UCK1: variants seen among roughly 807,000 people sequenced by gnomAD.
UCK1 encodes the protein uridine-cytidine kinase 1.
A neutral mutation model predicts 34.0 loss-of-function variants in UCK1; 20 were observed. The observed-to-expected ratio is 0.59, with a 90% CI of 0.41 to 0.86. The LOEUF is 0.86. UCK1 is among the 40% of genes least tolerant of loss of function. The probability of loss-of-function intolerance (pLI) is 0.00; values close to 1 mark genes in which losing one functional copy is unlikely to be tolerated. For synonymous variants in UCK1, 168 were observed against 155.9 expected, an observed-to-expected ratio of 1.08 and a Z score of -0.58; for missense variants, 343 against 383.6, an observed-to-expected ratio of 0.89 and a Z score of 0.88.
In UCK1 at chr9:131,528,969, G is replaced by C. The variant is rs146550624; in HGVS notation, c.578C>G (p.Pro193Arg). 5.6e-5 allele frequency: 90 copies of C among 1,613,996 alleles called. No individual in the cohort carries two copies. Among genetic ancestry groups the C allele is most frequent in the Non-Finnish European group, 7.5e-5 (89 of 1,180,040 alleles). Residue 193 changes from proline (P) to arginine (R), a missense_variant, in exon 5 of 7, where the codon CCG becomes CGG. By Grantham distance (103) the Pro-to-Arg change is moderately radical. Transcript: ENST00000372215. ...ILTQYTTFVK[P>R]AFEEFCLPTK... ...CGGCAGGCAGAACTCCTCGAAGGCC[G>C]GCTTCACGAAGGTGGTGTACTGCGT...
chr9:131,524,430 A>T lies in UCK1; in HGVS notation c.*610T>A, dbSNP rs1040150746. The T allele has an allele frequency of 2.0e-5, 3 of 152,094 alleles. No homozygotes were observed. The highest frequency in any genetic ancestry group is 2.0e-4 in the Admixed American group (3 of 15,270). 9.4% of individuals were successfully genotyped at this position (152,094 alleles called of 1,614,324 possible). On this transcript the variant is annotated 3_prime_UTR_variant, in exon 7 of 7. Transcript: ENST00000372215. ...GCCTTTAAGGCACAAGCAAGGGGGGAAAACATCCCTCAGTGGCTCCCCATA... is the reference window on the plus strand; with the variant it reads ...GCCTTTAAGGCACAAGCAAGGGGGGTAAACATCCCTCAGTGGCTCCCCATA...
In UCK1 at chr9:131,529,474, A is replaced by G. The variant is rs181899203; in HGVS notation, c.365+14T>C. 1.2e-6 allele frequency: 2 copies of G among 1,614,036 alleles called. No individual in the cohort carries two copies. The highest frequency in any genetic ancestry group is 2.7e-5 in the African/African-American group (2 of 75,016). ...GGCCCCTCTCCTCGGCCCTCCCTAGAACCACCTGCTTACCTTGAGTGTGTC... is the reference window on the plus strand; with the variant it reads ...GGCCCCTCTCCTCGGCCCTCCCTAGGACCACCTGCTTACCTTGAGTGTGTC... On this transcript the variant is annotated intron_variant, in intron 3 of 6. Coordinates refer to ENST00000372215, the MANE Select transcript of UCK1 (RefSeq NM_031432.5).
chr9:131,529,027 C>T lies in UCK1; in HGVS notation c.520G>A (p.Val174Met), dbSNP rs748498535. ...TGCTCCAGGTCCCTCCCTCGGCGCA[C>T]GTCCCGGAGAACTGCAGCGGCAAGG... The part of the protein sequence containing the change: ...VRLSRRVLRD[V>M]RRGRDLEQIL... The change falls in exon 5 of 7, where the codon GTG becomes ATG. Residue 174 changes from valine (V) to methionine (M), a missense_variant. Val to Met is a conservative substitution (Grantham distance 21). Coordinates refer to ENST00000372215, the MANE Select transcript of UCK1 (RefSeq NM_031432.5). 43 of 1,614,064 alleles carry T rather than the reference C, an allele frequency of 2.7e-5. 1 individual carries two copies. In the South Asian group the frequency reaches 4.1e-4, roughly 15 times the overall value.
intron 2 of UCK1, 72 bp from the exon 3 acceptor site, chr9:131,529,656 TCTGGG>T: frequency 1.4e-6 from 2 of 1,438,376 alleles, no homozygotes; most frequent in Non-Finnish European, 1.9e-6. Context: ...CCCTCTCTGC[TCTGGG>T]GTCAGCACAG....
At chr9:131,525,349 GCATCGAGT>G in intron 6 of UCK1, 128 bp from the exon 7 acceptor site, 2 of 1,118,584 alleles carry the variant, frequency 1.8e-6, no homozygotes, top group South Asian at 2.7e-5. Context: ...GCGGCGAGGG[GCATCGAGT>G]CAAATCTCAG....
At chr9:131,531,035 G>C (rs1950824030) in intron 1 of UCK1, 32 bp downstream of exon 1, 3 of 1,331,682 alleles carry the variant, frequency 2.3e-6, no homozygotes, top group Non-Finnish European at 2.9e-6. Context: ...GCACCGGCGA[G>C]AGGCGAGACC....
rs142583899 is a variant in UCK1, at chr9:131,530,768, C to A, written c.109-123G>T. 2.3e-3 allele frequency: 3,544 copies of A among 1,562,750 alleles called. 78 individuals carry two copies. The African/African-American group carries it at 0.043, about 19-fold the overall frequency. ...GGTATGCTCGGAAGGCGGGAGGACA[C>A]CAACAGGTGTGGATGGTCTCAGCGG... On this transcript the variant is annotated intron_variant, in intron 1 of 6. Transcript: ENST00000372215.
rs1444157925 is a variant in UCK1 at position 131,524,913 on chromosome 9, AG to A, written c.*126del. 1 of 1,132,358 alleles carries A rather than the reference AG, an allele frequency of 8.8e-7. No homozygotes were observed. The highest frequency in any genetic ancestry group is 1.6e-5 in the African/African-American group (1 of 63,976). The allele number at this position is 1,132,358 out of a possible 1,614,324, so 70.1% of individuals were successfully genotyped here. ...CTGAGTTTCCACTCCTGAGTGAGGA[AG>A]GCCTCGCTGCTAACACTCCCCTGGG... On this transcript the variant is annotated 3_prime_UTR_variant, in exon 7 of 7. Coordinates refer to ENST00000372215, the MANE Select transcript of UCK1 (RefSeq NM_031432.5).
Position 131,524,043 on chromosome 9 carries a change from C to CG in UCK1, c.*996dup, listed in dbSNP as rs906050624. The CG allele has an allele frequency of 6.6e-6, 1 of 152,306 alleles. No homozygotes were observed. Among genetic ancestry groups the CG allele is most frequent in the Admixed American group, 6.5e-5 (1 of 15,280 alleles). The allele number at this position is 152,306 out of a possible 1,614,324, so 9.4% of individuals were successfully genotyped here. A position where few individuals can be genotyped will look rare whatever the true frequency, so the allele number is the denominator to read the frequency against. On this transcript the variant is annotated 3_prime_UTR_variant, in exon 7 of 7. Coordinates refer to ENST00000372215, the MANE Select transcript of UCK1 (RefSeq NM_031432.5). Reference sequence around the variant, plus strand: ...AGGATCACCCCAGGCAACCCAGACACGGGTGTTCACATGTGAGGCTGTGAG... The same window carrying CG: ...AGGATCACCCCAGGCAACCCAGACACGGGGTGTTCACATGTGAGGCTGTGAG...
chr9:131,529,313 G>A (rs1005419764), intron 3 of UCK1, 43 bp from the exon 4 acceptor site: 1 of 1,612,186 alleles, frequency 6.2e-7, no homozygotes, highest in Admixed American at 1.7e-5. Flanking sequence ...CAGACACAGG[G>A]TCTCCAGGCC....
chr9:131,530,127 G>A (rs561435376), intron 2 of UCK1, among the ~76,000 whole-genome samples: 29 of 152,326 alleles, frequency 1.9e-4, no homozygotes, highest in African/African-American at 6.0e-4. Context: ...CCCAAAGCAC[G>A]GGAGGGCACA....
At chr9:131,529,698 TA>T (rs1950757074) in intron 2 of UCK1, 114 bp from the exon 3 acceptor site, 1 of 859,304 alleles carries the variant, frequency 1.2e-6, no homozygotes, top group South Asian at 1.4e-5. Flanking sequence ...CCGAGAACCC[TA>T]GCACAGGTAG....
Position 131,525,048 on chromosome 9 carries a change from G to A in UCK1, c.826C>T (p.Pro276Ser). Residue 276 changes from proline (P) to serine (S), a missense_variant, in exon 7 of 7, where the codon CCC (proline) becomes TCC (serine). Coordinates refer to ENST00000372215, the MANE Select transcript of UCK1 (RefSeq NM_031432.5). ...TGAGGCTCGGCAGCCCCTCAGTGGG[G>A]TCTGCTGCTGGACTCCAAATGTGAC... Reference protein sequence around the residue: ...KRSHLESSSRPH With the variant: ...KRSHLESSSRSH 6.2e-7 allele frequency: 1 copy of A among 1,610,722 alleles called. No individual in the cohort carries two copies. The highest frequency in any genetic ancestry group is 1.1e-5 in the South Asian group (1 of 91,012).
rs1950512516 is a variant in UCK1 at position 131,524,652 on chromosome 9, T to C, written c.*388A>G. 1 of 189,468 alleles carries C rather than the reference T, an allele frequency of 5.3e-6. No homozygotes were observed. The highest frequency in any genetic ancestry group is 1.4e-4 in the South Asian group (1 of 7,028). 11.7% of individuals were successfully genotyped at this position (189,468 alleles called of 1,614,324 possible). Reference sequence around the variant, plus strand: ...AACCAGATCAGACTGGAAAAAACTCTCTCCCACTGTGGGTTCACTGTCAAC... The same window carrying C: ...AACCAGATCAGACTGGAAAAAACTCCCTCCCACTGTGGGTTCACTGTCAAC... On this transcript the variant is annotated 3_prime_UTR_variant, in exon 7 of 7. Coordinates refer to ENST00000372215, the MANE Select transcript of UCK1 (RefSeq NM_031432.5).
chr9:131,525,317 C>A, intron 6 of UCK1, 96 bp from the exon 7 acceptor site: 1 of 1,506,676 alleles, frequency 6.6e-7, no homozygotes, highest in South Asian at 1.2e-5. Flanking sequence ...GAGCGCCCAA[C>A]CTCTGCCCTG....
At chr9:131,530,993 G>A in intron 1 of UCK1, 74 bp downstream of exon 1, 1 of 1,258,310 alleles carries the variant, frequency 7.9e-7, no homozygotes, top group Non-Finnish European at 1.0e-6. Context: ...GGCCGGGGCT[G>A]GGGTCTCCTC....
At chr9:131,528,746 G>C (rs764842617) in intron 5 of UCK1, 198 bp downstream of exon 5, 3 of 656,162 alleles carry the variant, frequency 4.6e-6, no homozygotes, top group Non-Finnish European at 7.7e-6. Context: ...GGCTTTTTTA[G>C]GCAGAGGGAG....
At chr9:131,528,459 A>T (rs1014447556) in intron 5 of UCK1, among the ~76,000 whole-genome samples, 2 of 152,218 alleles carry the variant, frequency 1.3e-5, no homozygotes, top group Non-Finnish European at 2.9e-5. Flanking sequence ...GGCCCAGAGC[A>T]GCCTGGGGTC....
intron 5 of UCK1, among the ~76,000 whole-genome samples, chr9:131,527,597 C>A (rs903871030): frequency 6.6e-6 from 1 of 152,058 alleles, no homozygotes; most frequent in Non-Finnish European, 1.5e-5. Flanking sequence ...AGCCAATAGG[C>A]CAGGCATAGT....
Sources: gnomAD v4.1 joint callset for allele counts (sites outside exome capture counted in the v4.1 genomes callset) on GRCh38, gnomAD v4.1.1 for gene constraint, MANE v1.5 for transcripts, NCBI Gene and HGNC (gene_info 2026-07-23, HGNC 2026-07-21) for gene names.